The following ADAM12 variants were observed in gnomAD, a reference collection of about 807,000 sequenced individuals.
ADAM12 encodes the protein ADAM metallopeptidase domain 12.
ADAM12 carries 70 observed loss-of-function variants against 106.4 expected under a neutral mutation model. The observed-to-expected ratio is 0.66, with a 90% confidence interval of 0.54 to 0.80. ADAM12 has a LOEUF of 0.80. ADAM12 is among the 30% of genes least tolerant of loss of function. The pLI is 0.00. For synonymous variants in ADAM12, 420 were observed against 433.5 expected, an observed-to-expected ratio of 0.97 and a Z score of 0.39; for missense variants, 1,010 against 1,171.9, an observed-to-expected ratio of 0.86 and a Z score of 2.02.
At chr10:126,021,017 A>G (rs1191820814) in intron 21 of ADAM12, among the ~76,000 whole-genome samples, 1 of 147,378 alleles carries the variant, frequency 6.8e-6, no homozygotes, top group Admixed American at 6.7e-5. Flanking sequence ...AAAAAAATGT[A>G]AGAACACATG....
intron 1 of ADAM12, among the ~76,000 whole-genome samples, chr10:126,336,826 G>C (rs892598702): frequency 1.3e-5 from 2 of 152,148 alleles, no homozygotes; most frequent in Non-Finnish European, 2.9e-5. Flanking sequence ...GAAGATGTAG[G>C]CAGGTGTAAG....
chr10:126,200,199 G>A (rs1053894009), intron 3 of ADAM12, among the ~76,000 whole-genome samples: 3 of 152,132 alleles, frequency 2.0e-5, no homozygotes, highest in African/African-American at 2.4e-5. Context: ...CAGCTCACAC[G>A]GGGACTGGAT....
chr10:126,181,567 C>T (rs1590573880), intron 3 of ADAM12, among the ~76,000 whole-genome samples: 1 of 152,276 alleles, frequency 6.6e-6, no homozygotes, highest in East Asian at 1.9e-4. Flanking sequence ...TTCAGCCACC[C>T]AGCCACTCAA....
At chr10:126,194,029 T>C (rs189229375) in intron 3 of ADAM12, among the ~76,000 whole-genome samples, 205 of 152,214 alleles carry the variant, frequency 1.3e-3, no homozygotes, top group Middle Eastern at 6.8e-3. Context: ...CAGCCTGAAA[T>C]GCGTTGGAAG....
At chr10:126,364,773 A>C (rs143397042) in intron 1 of ADAM12, among the ~76,000 whole-genome samples, 1,767 of 152,238 alleles carry the variant, frequency 0.012, 31 homozygotes, top group African/African-American at 0.04. Flanking sequence ...GATAAAAATA[A>C]GGGGGGAAAT....
intron 4 of ADAM12, among the ~76,000 whole-genome samples, chr10:126,142,369 CT>C (rs574716651): frequency 1.2e-4 from 18 of 152,162 alleles, no homozygotes; most frequent in Non-Finnish European, 2.4e-4. Context: ...AAAAGTATTC[CT>C]TATGGGAAAT....
At chr10:126,187,210 A>G (rs1310241879) in intron 3 of ADAM12, among the ~76,000 whole-genome samples, 1 of 152,150 alleles carries the variant, frequency 6.6e-6, no homozygotes, top group African/African-American at 2.4e-5. Flanking sequence ...AAATACAGAT[A>G]CAATACAGGA....
chr10:126,266,178 C>G (rs1281174240), intron 3 of ADAM12, among the ~76,000 whole-genome samples: 1 of 152,154 alleles, frequency 6.6e-6, no homozygotes, highest in African/African-American at 2.4e-5. Flanking sequence ...CACAGGCCTA[C>G]AGAATTGCAC....
rs57761761 is a variant in ADAM12 at position 126,179,448 on chromosome 10, A to G, written c.261-24143T>C. Among the ~76,000 whole-genome samples the G allele has an allele frequency of 2.2e-3, 342 of 152,324 alleles. 3 individuals are homozygous for G. Among genetic ancestry groups the G allele is most frequent in the African/African-American group, 7.7e-3 (320 of 41,568 alleles). ...TCTATTTCTTCCACCAAGAGTGGTA[A>G]TGGCCACTCTGATAAAACAAAGTCA... is the stretch of plus-strand genomic sequence containing the variant. On this transcript the variant is annotated intron_variant, in intron 3 of 22. Coordinates refer to ENST00000448723, the MANE Select transcript of ADAM12 (RefSeq NM_001288973.2).
chr10:126,137,512 A>G (rs1009646705), intron 4 of ADAM12, among the ~76,000 whole-genome samples: 14 of 152,252 alleles, frequency 9.2e-5, no homozygotes, highest in African/African-American at 3.4e-4. Flanking sequence ...CACCTCAGAA[A>G]GAAATCTCAT....
intron 1 of ADAM12, among the ~76,000 whole-genome samples, chr10:126,344,349 T>A (rs1855055318): frequency 6.6e-6 from 1 of 152,214 alleles, no homozygotes; most frequent in African/African-American, 2.4e-5. Context: ...GTGGTATTAT[T>A]TCTGAGGGCT....
At chr10:126,362,685 CACAG>C (rs1855780774) in intron 1 of ADAM12, among the ~76,000 whole-genome samples, 1 of 152,082 alleles carries the variant, frequency 6.6e-6, no homozygotes, top group Non-Finnish European at 1.5e-5. Flanking sequence ...ATAAGCCAGG[CACAG>C]ACAGACAAAT....
rs946494111 is a variant in ADAM12, at chr10:126,197,861, T to C, written c.261-42556A>G. Among the ~76,000 whole-genome samples, 3 of 152,190 alleles carry C rather than the reference T, an allele frequency of 2.0e-5. No individual in the cohort carries two copies. The East Asian group carries it at 5.8e-4, about 29-fold the overall frequency. ...GAGTGGAGAAGAAGCAAGAAAATGCTTCACAGGCCTGAAAGCCCCAGACAG... is the reference window on the plus strand; with the variant it reads ...GAGTGGAGAAGAAGCAAGAAAATGCCTCACAGGCCTGAAAGCCCCAGACAG... On this transcript the variant is annotated intron_variant, in intron 3 of 22. Transcript: ENST00000448723.
intron 2 of ADAM12, among the ~76,000 whole-genome samples, chr10:126,279,364 G>C (rs1959442114): frequency 6.6e-6 from 1 of 151,856 alleles, no homozygotes; most frequent in Non-Finnish European, 1.5e-5. Context: ...CTAGGAGTTC[G>C]AGGCTGCAGT....
chr10:126,188,452 A>T lies in ADAM12; in HGVS notation c.261-33147T>A, dbSNP rs1475731061. On this transcript the variant is annotated intron_variant, in intron 3 of 22. Coordinates refer to ENST00000448723, the MANE Select transcript of ADAM12 (RefSeq NM_001288973.2). ...CCTCACTGAGTGGGGCACCTGCAGA[A>T]TGGTCCATCTGTTTTTTTCCTTCAG... is the stretch of plus-strand genomic sequence containing the variant. 3.3e-5 allele frequency among the ~76,000 whole-genome samples: 5 copies of T among 152,188 alleles called. No homozygotes were observed. In the East Asian group the frequency reaches 7.7e-4, roughly 23 times the overall value.
chr10:126,325,395 C>T (rs1446183369), intron 2 of ADAM12, among the ~76,000 whole-genome samples: 1 of 152,112 alleles, frequency 6.6e-6, no homozygotes, highest in Non-Finnish European at 1.5e-5. Flanking sequence ...GGAAGTCTGG[C>T]TGTGAAGGAA....
intron 8 of ADAM12, among the ~76,000 whole-genome samples, chr10:126,105,194 C>A (rs1955741897): frequency 1.3e-5 from 2 of 152,166 alleles, no homozygotes; most frequent in South Asian, 4.1e-4. Flanking sequence ...TTTTAATTAC[C>A]AGTGCAAGTT....
intron 21 of ADAM12, among the ~76,000 whole-genome samples, chr10:126,030,741 T>C (rs1953957999): frequency 6.6e-6 from 1 of 152,172 alleles, no homozygotes; most frequent in African/African-American, 2.4e-5. Flanking sequence ...ATAATTAGTA[T>C]ATGATGCCAA....
At chr10:126,249,272 A>G (rs1456805580) in intron 3 of ADAM12, among the ~76,000 whole-genome samples, 2 of 145,590 alleles carry the variant, frequency 1.4e-5, no homozygotes, top group Non-Finnish European at 3.0e-5. Context: ...ATAGAATCCA[A>G]TGCAAACACT....
Sources: allele counts gnomAD v4.1 joint callset (sites outside exome capture counted in the v4.1 genomes callset), GRCh38; gene constraint gnomAD v4.1.1; transcripts MANE v1.5; gene names NCBI Gene and HGNC (gene_info 2026-07-23, HGNC 2026-07-21).